RBFOX1: variants seen among roughly 807,000 people sequenced by gnomAD.
RBFOX1 encodes RNA binding fox-1 homolog 1, also known as RNA binding protein fox-1 homolog 1.
A neutral mutation model predicts 57.7 loss-of-function variants in RBFOX1; 8 were observed. That is an observed-to-expected ratio of 0.14 (90% confidence interval 0.08 to 0.25). The LOEUF (loss-of-function observed/expected upper bound fraction) is 0.25. Among genes scored for constraint, RBFOX1 ranks in the 10% least tolerant of loss-of-function variants. The probability of loss-of-function intolerance (pLI) is 1.00; values close to 1 mark genes in which losing one functional copy is unlikely to be tolerated. For synonymous variants in RBFOX1, 326 were observed against 222.4 expected, an observed-to-expected ratio of 1.47 and a Z score of -4.15; for missense variants, 611 against 548.5, an observed-to-expected ratio of 1.11 and a Z score of -1.14.
At chr16:5,583,844 T>C (rs1190253969) in intron 2 of RBFOX1, among the ~76,000 whole-genome samples, 1 of 152,192 alleles carries the variant, frequency 6.6e-6, no homozygotes, top group African/African-American at 2.4e-5. Flanking sequence ...AACAGCAGCA[T>C]CTTCAATGCT....
intron 4 of RBFOX1, among the ~76,000 whole-genome samples, chr16:7,053,614 C>T (rs923760817): frequency 1.3e-5 from 2 of 152,122 alleles, no homozygotes; most frequent in African/African-American, 2.4e-5. Context: ...AAGTTAAGGA[C>T]GCAGTAGGTA....
intron 3 of RBFOX1, among the ~76,000 whole-genome samples, chr16:5,676,198 G>A (rs1567382222): frequency 6.6e-6 from 1 of 151,734 alleles, no homozygotes; most frequent in Non-Finnish European, 1.5e-5. Context: ...CATGGCACAT[G>A]TATACCTATG....
intron 1 of RBFOX1, among the ~76,000 whole-genome samples, chr16:6,291,974 C>T (rs1287394358): frequency 7.1e-6 from 1 of 140,606 alleles, no homozygotes. Flanking sequence ...TGTGTGTGTA[C>T]ATACTTGTGT....
chr16:6,544,331 A>T (rs1167669156), intron 2 of RBFOX1, among the ~76,000 whole-genome samples: 1 of 152,174 alleles, frequency 6.6e-6, no homozygotes, highest in Non-Finnish European at 1.5e-5. Flanking sequence ...AGCATAGCAG[A>T]AGTGTCATCA....
chr16:6,950,740 G>C (rs961319708), intron 3 of RBFOX1, among the ~76,000 whole-genome samples: 1 of 152,132 alleles, frequency 6.6e-6, no homozygotes, highest in Non-Finnish European at 1.5e-5. Context: ...GAGGAGATTT[G>C]CGGCCATGTA....
At chr16:5,369,382 C>T (rs1316763495) in intron 1 of RBFOX1, among the ~76,000 whole-genome samples, 1 of 152,202 alleles carries the variant, frequency 6.6e-6, no homozygotes. Context: ...CTCTAAGGCC[C>T]TTGGAATAGC....
intron 4 of RBFOX1, among the ~76,000 whole-genome samples, chr16:7,480,137 C>T: frequency 6.6e-6 from 1 of 152,292 alleles, no homozygotes. Context: ...TCTTGTTAAG[C>T]CTGTGTGTCT....
chr16:5,862,018 AC>A (rs2057230440), intron 3 of RBFOX1, among the ~76,000 whole-genome samples: 1 of 152,152 alleles, frequency 6.6e-6, no homozygotes, highest in Non-Finnish European at 1.5e-5. Context: ...CCTGAGAGTG[AC>A]GGCCATTCTC....
chr16:6,662,032 C>T (rs1276993312), intron 3 of RBFOX1, among the ~76,000 whole-genome samples: 1 of 151,244 alleles, frequency 6.6e-6, no homozygotes, highest in African/African-American at 2.4e-5. Context: ...AAGCCACACA[C>T]AGAAAGGCAA....
chr16:6,182,396 C>T (rs964069497), intron 1 of RBFOX1, among the ~76,000 whole-genome samples: 1 of 152,142 alleles, frequency 6.6e-6, no homozygotes. Flanking sequence ...CCTAATTCCA[C>T]CAGTTTAAGA....
intron 4 of RBFOX1, among the ~76,000 whole-genome samples, chr16:7,407,346 G>C (rs1443512976): frequency 6.7e-6 from 1 of 150,284 alleles, no homozygotes; most frequent in Admixed American, 6.7e-5. Context: ...GAAAAGCATA[G>C]AATTTTGACT....
chr16:5,609,333 C>T (rs958872989), intron 3 of RBFOX1, among the ~76,000 whole-genome samples: 2 of 152,176 alleles, frequency 1.3e-5, no homozygotes, highest in Non-Finnish European at 2.9e-5. Flanking sequence ...ATCCCATTAC[C>T]AGCAAAACCC....
chr16:7,580,782 T>G (rs2093699747), intron 6 of RBFOX1, among the ~76,000 whole-genome samples: 1 of 152,218 alleles, frequency 6.6e-6, no homozygotes, highest in Non-Finnish European at 1.5e-5. Context: ...AGGGCTTGGA[T>G]ATCATTCATG....
intron 2 of RBFOX1, among the ~76,000 whole-genome samples, chr16:6,595,991 A>G (rs1231791445): frequency 6.7e-6 from 1 of 149,446 alleles, no homozygotes; most frequent in African/African-American, 2.4e-5. Flanking sequence ...TTTATTTTTA[A>G]GTTGTATGTA....
intron 3 of RBFOX1, among the ~76,000 whole-genome samples, chr16:6,733,966 C>T (rs1158106229): frequency 2.6e-5 from 4 of 152,102 alleles, no homozygotes; most frequent in African/African-American, 9.7e-5. Context: ...TAAGGGTTGC[C>T]ATAAAGACAA....
chr16:6,763,869 C>A (rs2076969523), intron 3 of RBFOX1, among the ~76,000 whole-genome samples: 1 of 152,232 alleles, frequency 6.6e-6, no homozygotes, highest in Non-Finnish European at 1.5e-5. Flanking sequence ...ATTTCATTTG[C>A]ATATTGAAGT....
At chr16:6,403,371 T>A (rs2093153376) in intron 2 of RBFOX1, among the ~76,000 whole-genome samples, 2 of 151,334 alleles carry the variant, frequency 1.3e-5, no homozygotes. Context: ...TATCAGAGAC[T>A]TTTTTTTTAA....
intron 5 of RBFOX1, among the ~76,000 whole-genome samples, chr16:7,557,638 A>AC (rs796073476): frequency 9.9e-6 from 1 of 100,556 alleles, no homozygotes; most frequent in Non-Finnish European, 2.5e-5. Context: ...AAAAAAAAAA[A>AC]AAAAGAAAAA....
chr16:6,545,667 A>G (rs1307188197), intron 2 of RBFOX1, among the ~76,000 whole-genome samples: 3 of 152,350 alleles, frequency 2.0e-5, no homozygotes, highest in East Asian at 3.9e-4. Context: ...GTTACTCACC[A>G]TGGTGTCCCC....
Sources: allele counts gnomAD v4.1 joint callset (sites outside exome capture counted in the v4.1 genomes callset), GRCh38; gene constraint gnomAD v4.1.1; transcripts MANE v1.5; gene names NCBI Gene and HGNC (gene_info 2026-07-23, HGNC 2026-07-21).